Variants in SDAD1 observed in about 807,000 individuals in gnomAD.
SDAD1 encodes protein SDA1 homolog.
In SDAD1, 79 loss-of-function variants were observed where a neutral mutation model predicts 100.3. The ratio of observed to expected loss-of-function variants is 0.79; its 90% CI spans 0.66 to 0.95. SDAD1 has a LOEUF of 0.95. Ranked by LOEUF, SDAD1 falls within the 40% of genes least tolerant of loss-of-function variation. SDAD1 has a pLI of 0.00. For missense variants in SDAD1, 790 were observed against 810.9 expected, an observed-to-expected ratio of 0.97 and a Z score of 0.31; for synonymous variants, 267 against 271.4, an observed-to-expected ratio of 0.98 and a Z score of 0.16.
chr4:75,987,391 A>T (rs1004101882), intron 1 of SDAD1, among the ~76,000 whole-genome samples: 1 of 152,212 alleles, frequency 6.6e-6, no homozygotes, highest in Non-Finnish European at 1.5e-5. Flanking sequence ...TATACATAGA[A>T]TCATACTCCA....
chr4:75,954,906 A>G (rs1728807460), intron 21 of SDAD1, among the ~76,000 whole-genome samples: 1 of 152,192 alleles, frequency 6.6e-6, no homozygotes, highest in African/African-American at 2.4e-5. Flanking sequence ...AGATAGGGTT[A>G]TAAACGCCCT....
At chr4:75,957,286 C>T in intron 20 of SDAD1, 39 bp downstream of exon 20, 1 of 1,541,510 alleles carries the variant, frequency 6.5e-7, no homozygotes, top group Non-Finnish European at 8.9e-7. Context: ...ATTTTATTTG[C>T]TTTCTGTTTA....
chr4:75,983,576 C>T (rs897500041), intron 1 of SDAD1, among the ~76,000 whole-genome samples: 7 of 151,898 alleles, frequency 4.6e-5, no homozygotes, highest in African/African-American at 1.4e-4. Flanking sequence ...GTTTGTTGGC[C>T]GCATAAATGT....
chr4:75,984,496 G>A (rs9307050), intron 1 of SDAD1, among the ~76,000 whole-genome samples: 101,650 of 151,852 alleles, frequency 0.67, 34,874 homozygotes, highest in East Asian at 0.93. Context: ...TCTTTTAAGT[G>A]TCAGTAACTT....
In SDAD1 at chr4:75,967,342, G is replaced by A. The variant is rs754243359; in HGVS notation, c.988-8C>T. 5 of 1,613,400 alleles carry A rather than the reference G, an allele frequency of 3.1e-6. No individual in the cohort carries two copies. The highest frequency in any genetic ancestry group is 1.3e-5 in the African/African-American group (1 of 74,900). ...GAAATTGAAGAGGAAAAGCTGTGGA[G>A]AGAAAACCGACTTTAATACTGATGC... is the stretch of plus-strand genomic sequence containing the variant. On this transcript the variant is annotated splice_region_variant and splice_polypyrimidine_tract_variant and intron_variant, in intron 11 of 21. Transcript: ENST00000356260.
At chr4:75,960,313 G>A (rs1229696126) in intron 16 of SDAD1, 121 bp from the exon 17 acceptor site, 1 of 957,046 alleles carries the variant, frequency 1.0e-6, no homozygotes, top group Non-Finnish European at 1.5e-6. Flanking sequence ...GTCTTGCTCT[G>A]TTGCCCAGAC....
At position 75,965,408 on chromosome 4, in the gene SDAD1, T is replaced by C. The variant is rs1729481081; in HGVS notation, c.1104+356A>G. On this transcript the variant is annotated intron_variant, in intron 13 of 21. Coordinates refer to ENST00000356260, the MANE Select transcript of SDAD1 (RefSeq NM_018115.4). The stretch of plus-strand genomic sequence containing the variant: ...ATTTCGCCCTGGTCCTGTGATCTCG[T>C]CCTGCCTCCATTTGCCTTGTAATAT... 2.0e-5 allele frequency among the ~76,000 whole-genome samples: 3 copies of C among 152,186 alleles called. 1 individual carries two copies. The highest frequency in any genetic ancestry group is 2.0e-4 in the Admixed American group (3 of 15,278).
Position 75,966,767 on chromosome 4 carries a change from GTTTTC to G in SDAD1, c.1045+505_1045+509del, listed in dbSNP as rs571688860. 5.3e-5 allele frequency among the ~76,000 whole-genome samples: 8 copies of G among 152,196 alleles called. No homozygotes were observed. In the East Asian group the frequency reaches 1.2e-3, roughly 22 times the overall value. ...TTTGAGAAACCAATTTGTTGTTGTT[GTTTTC>G]TTTTCTTTTCTTTTTGAGACAGAGT... is the stretch of plus-strand genomic sequence containing the variant. On this transcript the variant is annotated intron_variant, in intron 12 of 21. Coordinates refer to ENST00000356260, the MANE Select transcript of SDAD1 (RefSeq NM_018115.4).
chr4:75,957,776 C>T (rs547696048), intron 18 of SDAD1, 68 bp from the exon 19 acceptor site: 1 of 1,611,604 alleles, frequency 6.2e-7, no homozygotes, highest in Admixed American at 1.7e-5. Context: ...AAATTGTAGC[C>T]TCCCAACAAG....
At chr4:75,974,202 C>T in intron 6 of SDAD1, 69 bp from the exon 7 acceptor site, 1 of 1,235,078 alleles carries the variant, frequency 8.1e-7, no homozygotes, top group Non-Finnish European at 1.2e-6. Flanking sequence ...CAGACAATGG[C>T]ACAAAATAAA....
chr4:75,966,817 T>C (rs1258339791), intron 12 of SDAD1, among the ~76,000 whole-genome samples: 1 of 152,262 alleles, frequency 6.6e-6, no homozygotes, highest in Non-Finnish European at 1.5e-5. Context: ...TCACCCAGGC[T>C]GGAGTGCAAG....
At chr4:75,950,824 T>C (rs1427877865) in intron 21 of SDAD1, 27 bp from the exon 22 acceptor site, 7 of 1,528,066 alleles carry the variant, frequency 4.6e-6, no homozygotes, top group South Asian at 3.5e-5. Flanking sequence ...TATTGAAACA[T>C]GATAACTCTT....
intron 1 of SDAD1, among the ~76,000 whole-genome samples, chr4:75,983,310 T>C (rs1578147661): frequency 6.6e-6 from 1 of 152,354 alleles, no homozygotes; most frequent in South Asian, 2.1e-4. Context: ...ATATACCCAG[T>C]AATGGGATGG....
intron 1 of SDAD1, among the ~76,000 whole-genome samples, chr4:75,988,359 A>AC (rs1242732133): frequency 6.6e-6 from 1 of 152,030 alleles, no homozygotes; most frequent in Non-Finnish European, 1.5e-5. Context: ...AGGCATACCT[A>AC]CCCCAAGGTC....
chr4:75,990,496 A>C (rs1731190089), intron 1 of SDAD1, among the ~76,000 whole-genome samples: 2 of 152,220 alleles, frequency 1.3e-5, no homozygotes, highest in Non-Finnish European at 2.9e-5. Context: ...ATCTTAAAAC[A>C]AAATGAGGTT....
chr4:75,984,938 G>C (rs1730799778), intron 1 of SDAD1, among the ~76,000 whole-genome samples: 1 of 152,140 alleles, frequency 6.6e-6, no homozygotes, highest in South Asian at 2.1e-4. Flanking sequence ...AACACAACTT[G>C]ATTTCCTCAA....
chr4:75,975,277 A>G (rs1261714837), intron 6 of SDAD1, among the ~76,000 whole-genome samples: 1 of 152,198 alleles, frequency 6.6e-6, no homozygotes, highest in East Asian at 1.9e-4. Flanking sequence ...TGAGTTAGGG[A>G]CACTGTATCA....
chr4:75,983,059 T>C (rs1560556442), intron 1 of SDAD1, among the ~76,000 whole-genome samples: 1 of 151,660 alleles, frequency 6.6e-6, no homozygotes. Flanking sequence ...TTTTCTGTCC[T>C]TGTGATAGTT....
intron 1 of SDAD1, among the ~76,000 whole-genome samples, chr4:75,986,488 T>C (rs1730901864): frequency 6.6e-6 from 1 of 151,926 alleles, no homozygotes; most frequent in African/African-American, 2.4e-5. Flanking sequence ...TTTAACCACC[T>C]ATCTTCTCCT....
Sources: gnomAD v4.1 joint callset for allele counts (sites outside exome capture counted in the v4.1 genomes callset) on GRCh38, gnomAD v4.1.1 for gene constraint, MANE v1.5 for transcripts, NCBI Gene and HGNC (gene_info 2026-07-23, HGNC 2026-07-21) for gene names.